CHL1: variants seen among roughly 807,000 people sequenced by gnomAD.
CHL1 encodes neural cell adhesion molecule L1-like protein.
In CHL1, 96 loss-of-function variants were observed where a neutral mutation model predicts 141.9. The ratio of observed to expected loss-of-function variants is 0.68; its 90% confidence interval spans 0.57 to 0.80. The LOEUF is 0.80. Among genes scored for constraint, CHL1 ranks in the 30% least tolerant of loss-of-function variants. The probability of loss-of-function intolerance (pLI) is 0.00; values close to 1 mark genes in which losing one functional copy is unlikely to be tolerated. For missense variants in CHL1, 1,820 were observed against 1,457.2 expected, an observed-to-expected ratio of 1.25 and a Z score of -4.05; for synonymous variants, 613 against 502.2, an observed-to-expected ratio of 1.22 and a Z score of -2.95.
intron 15 of CHL1, among the ~76,000 whole-genome samples, chr3:376,643 A>C (rs1472155490): frequency 6.6e-6 from 1 of 152,224 alleles, no homozygotes; most frequent in Non-Finnish European, 1.5e-5. Flanking sequence ...CGTGCAGGGC[A>C]CAGAAGTCCT....
chr3:359,585 G>A (rs985137573), intron 11 of CHL1, among the ~76,000 whole-genome samples: 1 of 152,158 alleles, frequency 6.6e-6, no homozygotes, highest in African/African-American at 2.4e-5. Flanking sequence ...TTACAGGTAT[G>A]AGCCACCATG....
At position 224,022 on chromosome 3, in the gene CHL1, C is replaced by A. The variant is rs372371210; in HGVS notation, c.-174-20591C>A. Among the ~76,000 whole-genome samples the A allele has an allele frequency of 2.6e-5, 4 of 152,206 alleles. No individual in the cohort carries two copies. The South Asian group carries it at 8.3e-4, about 32-fold the overall frequency. On this transcript the variant is annotated intron_variant, in intron 1 of 27. Coordinates refer to ENST00000256509, the MANE Select transcript of CHL1 (RefSeq NM_006614.4). The stretch of plus-strand genomic sequence containing the variant: ...TTAGGTTTTCACAATAATGATGTTA[C>A]CTATAGGAGCAATTGGGAAGGTTAC...
intron 2 of CHL1, among the ~76,000 whole-genome samples, chr3:272,808 A>T (rs1490212788): frequency 1.3e-5 from 2 of 152,202 alleles, no homozygotes; most frequent in African/African-American, 4.8e-5. Context: ...TCTTTCATCC[A>T]TCCAGTACTT....
intron 20 of CHL1, among the ~76,000 whole-genome samples, chr3:389,919 T>G (rs193048522): frequency 1.4e-3 from 217 of 152,292 alleles, no homozygotes; most frequent in South Asian, 0.012. Flanking sequence ...CAGATTTATA[T>G]GTAGAATTAT....
chr3:351,156 C>G lies in CHL1; in HGVS notation c.1033+1613C>G, dbSNP rs73814705. 2.9e-3 allele frequency among the ~76,000 whole-genome samples: 442 copies of G among 152,236 alleles called. 2 individuals are homozygous for G. Among genetic ancestry groups the G allele is most frequent in the African/African-American group, 1.0e-2 (415 of 41,554 alleles). The stretch of plus-strand genomic sequence containing the variant: ...AGTTTTCTTGACTATAAAACCAAAC[C>G]TTTCAAAAGAATTGCAAGGGTTGCA... On this transcript the variant is annotated intron_variant, in intron 10 of 27. Transcript: ENST00000256509.
In CHL1 at chr3:349,355, G is replaced by C; in HGVS notation, c.849-4G>C. On this transcript the variant is annotated splice_region_variant and splice_polypyrimidine_tract_variant and intron_variant, in intron 9 of 27. Transcript: ENST00000256509. ...ATGTTTATTTATTTAACTATTTTTTGCAGGCCAACTCCACAGGTTGATTGG... is the reference window on the plus strand; with the variant it reads ...ATGTTTATTTATTTAACTATTTTTTCCAGGCCAACTCCACAGGTTGATTGG... The C allele has an allele frequency of 6.2e-7, 1 of 1,600,546 alleles. No homozygotes were observed. Among genetic ancestry groups the C allele is most frequent in the Non-Finnish European group, 8.5e-7 (1 of 1,176,118 alleles).
chr3:260,263 C>CAAATAAATAAATAAATAAATAAATAAAT (rs58225264), intron 2 of CHL1, among the ~76,000 whole-genome samples: 1 of 151,344 alleles, frequency 6.6e-6, no homozygotes, highest in Non-Finnish European at 1.5e-5. Flanking sequence ...AACTCTGTCT[C>CAAATAAATAAATAAATAAATAAATAAAT]AAATAAATAA....
chr3:235,570 A>G (rs1412731408), intron 1 of CHL1, among the ~76,000 whole-genome samples: 4 of 152,184 alleles, frequency 2.6e-5, no homozygotes, highest in African/African-American at 7.2e-5. Flanking sequence ...TCAAGGTGGT[A>G]TCTGAGGTTA....
At chr3:245,654 T>G (rs1183374701) in intron 2 of CHL1, among the ~76,000 whole-genome samples, 2 of 152,112 alleles carry the variant, frequency 1.3e-5, no homozygotes, top group African/African-American at 4.8e-5. Context: ...TGAAGAATTT[T>G]TTTCTATGCA....
intron 1 of CHL1, chr3:197,934 T>G (rs1327392051): frequency 2.5e-6 from 1 of 395,426 alleles, no homozygotes; most frequent in African/African-American, 2.1e-5. Context: ...AGTGATTAAT[T>G]TGGGGAGCAG....
In CHL1 at chr3:224,532, A is replaced by G. The variant is rs183024671; in HGVS notation, c.-174-20081A>G. Among the ~76,000 whole-genome samples, 263 of 152,054 alleles carry G rather than the reference A, an allele frequency of 1.7e-3. 1 individual carries two copies. Among genetic ancestry groups the G allele is most frequent in the Non-Finnish European group, 3.1e-3 (211 of 67,964 alleles). Reference sequence around the variant, plus strand: ...TTTAAAAGTAGGTGGCTCCTCCCCAACTAAGTCTCTCTCTAGCTTCTCCTT... The same window carrying G: ...TTTAAAAGTAGGTGGCTCCTCCCCAGCTAAGTCTCTCTCTAGCTTCTCCTT... On this transcript the variant is annotated intron_variant, in intron 1 of 27. Transcript: ENST00000256509.
chr3:376,856 A>T (rs1429219818), intron 15 of CHL1, among the ~76,000 whole-genome samples: 1 of 152,200 alleles, frequency 6.6e-6, no homozygotes, highest in Non-Finnish European at 1.5e-5. Flanking sequence ...TTGGTTGGCA[A>T]ATCTTTCTAT....
intron 3 of CHL1, among the ~76,000 whole-genome samples, chr3:320,822 G>T (rs188412850): frequency 6.6e-6 from 1 of 151,946 alleles, no homozygotes; most frequent in Non-Finnish European, 1.5e-5. Flanking sequence ...AAAGACCCAC[G>T]AGAGGTTATT....
chr3:331,713 T>C (rs1701453460), intron 5 of CHL1, among the ~76,000 whole-genome samples: 1 of 152,080 alleles, frequency 6.6e-6, no homozygotes, highest in African/African-American at 2.4e-5. Context: ...TAACTAAAAA[T>C]GGTATGTATT....
At chr3:283,620 T>C (rs149623084) in intron 2 of CHL1, among the ~76,000 whole-genome samples, 2 of 152,354 alleles carry the variant, frequency 1.3e-5, no homozygotes, top group African/African-American at 4.8e-5. Context: ...ATTAAATTCA[T>C]ATGAGGAATA....
At chr3:252,237 C>A (rs923622825) in intron 2 of CHL1, among the ~76,000 whole-genome samples, 1 of 150,866 alleles carries the variant, frequency 6.6e-6, no homozygotes, top group Non-Finnish European at 1.5e-5. Flanking sequence ...GGAGCCTCTT[C>A]TTGACTCTAT....
At chr3:323,152 T>C (rs2125054722) in intron 3 of CHL1, among the ~76,000 whole-genome samples, 1 of 152,120 alleles carries the variant, frequency 6.6e-6, no homozygotes, top group South Asian at 2.1e-4. Context: ...TTCAGATAGA[T>C]ATAGGTCAGA....
intron 11 of CHL1, among the ~76,000 whole-genome samples, chr3:358,257 G>C (rs958403925): frequency 3.9e-5 from 6 of 151,982 alleles, no homozygotes; most frequent in Non-Finnish European, 8.8e-5. Flanking sequence ...CACATTCCTG[G>C]CTCCCTTCCG....
chr3:203,936 G>A (rs1468663162), intron 1 of CHL1, among the ~76,000 whole-genome samples: 2 of 152,216 alleles, frequency 1.3e-5, no homozygotes, highest in Non-Finnish European at 2.9e-5. Flanking sequence ...TGTGGAACGT[G>A]AGTAGTGGGG....
Sources: allele counts gnomAD v4.1 joint callset (sites outside exome capture counted in the v4.1 genomes callset), GRCh38; gene constraint gnomAD v4.1.1; transcripts MANE v1.5; gene names NCBI Gene and HGNC (gene_info 2026-07-23, HGNC 2026-07-21).